Variants in VTI1A observed in about 807,000 individuals in gnomAD.
The protein encoded by VTI1A is vesicle transport through interaction with t-SNAREs homolog 1A.
Under a neutral mutation model 34.9 loss-of-function variants are expected in VTI1A, and 22 were observed. The ratio of observed to expected loss-of-function variants is 0.63; its 90% CI spans 0.45 to 0.90. VTI1A has a LOEUF of 0.90. Ranked by LOEUF, VTI1A falls within the 40% of genes least tolerant of loss-of-function variation. The pLI, the probability that VTI1A is intolerant of heterozygous loss-of-function variation, is 0.00. For synonymous variants in VTI1A, 87 were observed against 97.3 expected, an observed-to-expected ratio of 0.89 and a Z score of 0.62; for missense variants, 268 against 275.6, an observed-to-expected ratio of 0.97 and a Z score of 0.20.
intron 5 of VTI1A, among the ~76,000 whole-genome samples, chr10:112,579,778 G>A (rs1843851938): frequency 6.6e-6 from 1 of 152,136 alleles, no homozygotes; most frequent in South Asian, 2.1e-4. Context: ...AAGAGAAAGT[G>A]GGAGAAAGTA....
chr10:112,447,966 C>G (rs1846995079), intron 1 of VTI1A, among the ~76,000 whole-genome samples: 1 of 152,136 alleles, frequency 6.6e-6, no homozygotes, highest in South Asian at 2.1e-4. Flanking sequence ...ACCCGGGAGG[C>G]GGAGGTTGCA....
chr10:112,830,390 G>T, the VTI1A span, among the ~76,000 whole-genome samples: 1 of 150,650 alleles, frequency 6.6e-6, no homozygotes, highest in African/African-American at 2.4e-5. Flanking sequence ...CAGAGCCTCT[G>T]CCTGGAATGT....
At chr10:112,686,992 G>A (rs1848438090) in intron 7 of VTI1A, among the ~76,000 whole-genome samples, 1 of 152,092 alleles carries the variant, frequency 6.6e-6, no homozygotes, top group South Asian at 2.1e-4. Flanking sequence ...CAGCTGAGCT[G>A]TCTTCTCAGA....
chr10:112,689,083 C>T (rs11196057), intron 7 of VTI1A, among the ~76,000 whole-genome samples: 1 of 152,088 alleles, frequency 6.6e-6, no homozygotes, highest in South Asian at 2.1e-4. Context: ...TCTATAGTGA[C>T]CATCCAAACC....
At chr10:112,845,347 T>C in the VTI1A span, among the ~76,000 whole-genome samples, 9 of 152,114 alleles carry the variant, frequency 5.9e-5, no homozygotes, top group African/African-American at 1.9e-4. Flanking sequence ...CATTCTCCCA[T>C]TGGCTGTTCC....
chr10:112,760,612 C>A (rs1238694702), intron 7 of VTI1A, among the ~76,000 whole-genome samples: 1 of 152,114 alleles, frequency 6.6e-6, no homozygotes, highest in Admixed American at 6.5e-5. Context: ...AAAACCAGTC[C>A]AGGCACAGTG....
intron 7 of VTI1A, among the ~76,000 whole-genome samples, chr10:112,751,117 G>C (rs917961891): frequency 6.6e-6 from 1 of 152,144 alleles, no homozygotes; most frequent in Non-Finnish European, 1.5e-5. Flanking sequence ...GGATATGAAG[G>C]TTCATAGTCC....
intron 7 of VTI1A, among the ~76,000 whole-genome samples, chr10:112,746,619 C>CA (rs143158900): frequency 0.12 from 18,462 of 152,212 alleles, 1,533 homozygotes; most frequent in Middle Eastern, 0.22. Flanking sequence ...TCCACGCTAA[C>CA]AAGCGTGAAC....
chr10:112,689,747 A>G (rs767898840), intron 7 of VTI1A, among the ~76,000 whole-genome samples: 1 of 151,564 alleles, frequency 6.6e-6, no homozygotes, highest in East Asian at 1.9e-4. Context: ...TTTGCTCTGC[A>G]CAGTTTTTTT....
chr10:112,728,191 C>G (rs532625998), intron 7 of VTI1A, among the ~76,000 whole-genome samples: 11 of 151,664 alleles, frequency 7.3e-5, no homozygotes, highest in African/African-American at 2.7e-4. Context: ...TTCTTCCCCC[C>G]ACCCCCCTCA....
At chr10:112,657,942 A>T (rs150775641) in intron 5 of VTI1A, among the ~76,000 whole-genome samples, 11 of 152,216 alleles carry the variant, frequency 7.2e-5, no homozygotes, top group African/African-American at 2.6e-4. Flanking sequence ...GTTGTTGTTA[A>T]TGCAAAGATC....
intron 5 of VTI1A, chr10:112,538,607 A>G (rs1404695507): frequency 3.2e-6 from 1 of 314,332 alleles, no homozygotes; most frequent in Non-Finnish European, 5.8e-6. Flanking sequence ...ATGCAGTTAC[A>G]TGTTGTCAGT....
At chr10:112,693,947 C>T (rs920784132) in intron 7 of VTI1A, among the ~76,000 whole-genome samples, 4 of 152,054 alleles carry the variant, frequency 2.6e-5, no homozygotes, top group African/African-American at 9.7e-5. Flanking sequence ...GGTGGCTCAC[C>T]CCTGTAATCC....
At chr10:112,729,315 C>A (rs1169119812) in intron 7 of VTI1A, among the ~76,000 whole-genome samples, 3 of 152,220 alleles carry the variant, frequency 2.0e-5, no homozygotes, top group Non-Finnish European at 4.4e-5. Flanking sequence ...CAGACCTGAA[C>A]ATTTTAAACC....
intron 3 of VTI1A, among the ~76,000 whole-genome samples, chr10:112,498,740 C>T (rs1446969807): frequency 6.6e-6 from 1 of 151,964 alleles, no homozygotes; most frequent in Non-Finnish European, 1.5e-5. Context: ...GAGTTTTGAC[C>T]ACCATTTTTT....
At chr10:112,520,617 CTATA>C (rs967446443) in intron 3 of VTI1A, among the ~76,000 whole-genome samples, 13 of 132,216 alleles carry the variant, frequency 9.8e-5, no homozygotes, top group African/African-American at 2.3e-4. Context: ...TTTTTAGTCT[CTATA>C]TGTGTGTGTG....
chr10:112,655,415 A>T (rs1847196115), intron 5 of VTI1A, among the ~76,000 whole-genome samples: 6 of 152,150 alleles, frequency 3.9e-5, no homozygotes, highest in Admixed American at 3.9e-4. Flanking sequence ...ACCTAGAGAA[A>T]TGCTTTAACA....
chr10:112,693,069 A>AT (rs1848660363), intron 7 of VTI1A, among the ~76,000 whole-genome samples: 1 of 152,238 alleles, frequency 6.6e-6, no homozygotes, highest in Admixed American at 6.5e-5. Flanking sequence ...CCAACCTCTG[A>AT]TAAACTCTTA....
chr10:112,614,637 G>A (rs1393303998), intron 5 of VTI1A, among the ~76,000 whole-genome samples: 4 of 152,210 alleles, frequency 2.6e-5, no homozygotes, highest in African/African-American at 9.7e-5. Context: ...TTAATGGACA[G>A]GTAGACACTG....
Sources: gnomAD v4.1 joint callset for allele counts (sites outside exome capture counted in the v4.1 genomes callset) on GRCh38, gnomAD v4.1.1 for gene constraint, MANE v1.5 for transcripts, NCBI Gene and HGNC (gene_info 2026-07-23, HGNC 2026-07-21) for gene names.